The following SGPL1 variants were observed in gnomAD, a reference collection of about 807,000 sequenced individuals.
The protein encoded by SGPL1 is SP-lyase 1.
Under a neutral mutation model 68.9 loss-of-function variants are expected in SGPL1, and 37 were observed. The ratio of observed to expected loss-of-function variants is 0.54; its 90% CI spans 0.41 to 0.71. The LOEUF is 0.71. Among genes scored for constraint, SGPL1 ranks in the 30% least tolerant of loss-of-function variants. The pLI, the probability that SGPL1 is intolerant of heterozygous loss-of-function variation, is 0.00. For synonymous variants in SGPL1, 236 were observed against 248.5 expected (o/e 0.95, Z 0.47); for missense variants, 551 against 704.6 (o/e 0.78, Z 2.47).
chr10:70,830,897 A>G (rs1300748343), intron 2 of SGPL1, among the ~76,000 whole-genome samples: 1 of 152,216 alleles, frequency 6.6e-6, no homozygotes, highest in Admixed American at 6.5e-5. Flanking sequence ...TTTACTCCAA[A>G]AGAGGAAACC....
rs1846302692 is a variant in SGPL1, at chr10:70,871,848, A to G, written c.921A>G (p.Lys307=). 1 of 1,613,502 alleles carries G rather than the reference A, an allele frequency of 6.2e-7. No homozygotes were observed. The highest frequency in any genetic ancestry group is 2.2e-5 in the East Asian group (1 of 44,870). The change falls in exon 11 of 15, where the codon AAA becomes AAG. Residue 307 remains lysine, a synonymous_variant. Transcript: ENST00000373202. Reference sequence around the variant, plus strand: ...TTTTTTGGAACAAGCTGGCTGTCAAATACAAAATACCCCTTCATGTCGACG... The same window carrying G: ...TTTTTTGGAACAAGCTGGCTGTCAAGTACAAAATACCCCTTCATGTCGACG... The part of the protein sequence containing the change: ...PVPEVAKLAV[K]YKIPLHVDAC...
intron 2 of SGPL1, among the ~76,000 whole-genome samples, chr10:70,828,276 C>G (rs989790012): frequency 2.6e-5 from 4 of 152,196 alleles, no homozygotes; most frequent in Non-Finnish European, 5.9e-5. Context: ...GAGAAGAGCA[C>G]TGAGAACTCT....
rs971051775 is a variant in SGPL1 at position 70,859,359 on chromosome 10, A to G, written c.487-12A>G. The G allele has an allele frequency of 7.0e-7, 1 of 1,429,498 alleles. No homozygotes were observed. The highest frequency in any genetic ancestry group is 9.2e-7 in the Non-Finnish European group (1 of 1,082,102). 88.6% of individuals were successfully genotyped at this position (1,429,498 alleles called of 1,614,324 possible). A position where few individuals can be genotyped will look rare whatever the true frequency, so the allele number is the denominator to read the frequency against. Reference sequence around the variant, plus strand: ...TAGTTTTGATTTCACATCTGCTTGCATTTTTTTGCAGGCTTATGGAGATTT... The same window carrying G: ...TAGTTTTGATTTCACATCTGCTTGCGTTTTTTTGCAGGCTTATGGAGATTT... On this transcript the variant is annotated splice_polypyrimidine_tract_variant and intron_variant, in intron 6 of 14. Coordinates refer to ENST00000373202, the MANE Select transcript of SGPL1 (RefSeq NM_003901.4).
At chr10:70,850,267 G>A (rs1190607882) in intron 3 of SGPL1, among the ~76,000 whole-genome samples, 4 of 151,950 alleles carry the variant, frequency 2.6e-5, no homozygotes, top group African/African-American at 4.8e-5. Flanking sequence ...CTCCCACCTC[G>A]GCCTCCCACA....
intron 8 of SGPL1, among the ~76,000 whole-genome samples, chr10:70,868,982 T>C (rs1217071415): frequency 6.6e-6 from 1 of 152,248 alleles, no homozygotes; most frequent in Non-Finnish European, 1.5e-5. Flanking sequence ...ACTGTCCCCT[T>C]GTACAGTATG....
intron 2 of SGPL1, among the ~76,000 whole-genome samples, chr10:70,817,698 A>G (rs1845261125): frequency 2.0e-5 from 3 of 152,240 alleles, no homozygotes; most frequent in Non-Finnish European, 4.4e-5. Context: ...AGGGTCTGCC[A>G]TATACTAGTT....
rs1467869691 is a variant in SGPL1, at chr10:70,823,569, A to G, written c.27+6689A>G. Among the ~76,000 whole-genome samples, 870 of 148,782 alleles carry G rather than the reference A, an allele frequency of 5.8e-3. 5 individuals carry two copies. Among genetic ancestry groups the G allele is most frequent in the African/African-American group, 0.02 (829 of 40,932 alleles). On this transcript the variant is annotated intron_variant, in intron 2 of 14. Coordinates refer to ENST00000373202, the MANE Select transcript of SGPL1 (RefSeq NM_003901.4). ...AAAGAAAACACTTTATATTGAAAAA[A>G]AAAAAAAAAAAAAGCTAATGGGATC...
intron 3 of SGPL1, among the ~76,000 whole-genome samples, chr10:70,850,097 T>G (rs1421063583): frequency 2.0e-5 from 3 of 152,250 alleles, no homozygotes; most frequent in Non-Finnish European, 4.4e-5. Context: ...TATTTATGAT[T>G]ATTATGATCG....
intron 2 of SGPL1, among the ~76,000 whole-genome samples, chr10:70,823,206 C>T (rs555255514): frequency 6.6e-6 from 1 of 151,802 alleles, no homozygotes; most frequent in East Asian, 1.9e-4. Context: ...GACTCAAACA[C>T]ACACAGCCAT....
At chr10:70,855,808 C>T (rs1295327012) in intron 5 of SGPL1, among the ~76,000 whole-genome samples, 1 of 152,048 alleles carries the variant, frequency 6.6e-6, no homozygotes, top group African/African-American at 2.4e-5. Flanking sequence ...TGTTAACATC[C>T]TCTATAACCA....
At position 70,876,640 on chromosome 10, in the gene SGPL1, T is replaced by C. The variant is rs1846394196; in HGVS notation, c.1545T>C (p.Pro515=). The change falls in exon 14 of 15, where the codon CCT becomes CCC. Residue 515 remains proline (P), a synonymous_variant. Transcript: ENST00000373202. The part of the protein sequence containing the change: ...RESVTQIMKN[P]KAKTTGMGAI... ...CTGTCACTCAAATCATGAAGAATCC[T>C]AAAGCGAAGACCACAGGAATGGTAG... 1 of 1,613,606 alleles carries C rather than the reference T, an allele frequency of 6.2e-7. No homozygotes were observed. The highest frequency in any genetic ancestry group is 8.5e-7 in the Non-Finnish European group (1 of 1,179,784).
intron 10 of SGPL1, among the ~76,000 whole-genome samples, chr10:70,871,592 G>A (rs561833444): frequency 2.7e-3 from 413 of 152,102 alleles, no homozygotes; most frequent in African/African-American, 9.5e-3. Flanking sequence ...ACCGCAGAGC[G>A]TTTGAGGTCA....
At chr10:70,868,273 G>A (rs990022625) in intron 7 of SGPL1, 72 bp from the exon 8 acceptor site, 6 of 1,033,862 alleles carry the variant, frequency 5.8e-6, no homozygotes, top group South Asian at 1.5e-5. Context: ...ATCAAACATT[G>A]TCAAGATCAG....
At chr10:70,821,041 C>T (rs866082878) in intron 2 of SGPL1, among the ~76,000 whole-genome samples, 4 of 152,174 alleles carry the variant, frequency 2.6e-5, no homozygotes, top group African/African-American at 4.8e-5. Flanking sequence ...CTGACAGGCT[C>T]GGGCTATCAG....
chr10:70,830,106 A>AT (rs1048729244), intron 2 of SGPL1, among the ~76,000 whole-genome samples: 3 of 151,992 alleles, frequency 2.0e-5, no homozygotes, highest in African/African-American at 4.8e-5. Context: ...TTTAAATTTT[A>AT]TTTTTTTATT....
At chr10:70,829,934 C>T (rs771670339) in intron 2 of SGPL1, among the ~76,000 whole-genome samples, 2 of 152,078 alleles carry the variant, frequency 1.3e-5, no homozygotes, top group Admixed American at 6.5e-5. Context: ...TCATTTTAGT[C>T]GTTAATAATT....
intron 2 of SGPL1, among the ~76,000 whole-genome samples, chr10:70,842,164 ATTC>A (rs1227500893): frequency 3.3e-5 from 5 of 152,150 alleles, no homozygotes; most frequent in Non-Finnish European, 7.4e-5. Flanking sequence ...TTATTTAACC[ATTC>A]TTCTGTGGGT....
intron 2 of SGPL1, among the ~76,000 whole-genome samples, chr10:70,841,612 A>AC (rs944345041): frequency 4.0e-5 from 6 of 151,678 alleles, no homozygotes; most frequent in African/African-American, 1.2e-4. Flanking sequence ...TGATCTAATG[A>AC]CCCCCCAAAG....
intron 2 of SGPL1, among the ~76,000 whole-genome samples, chr10:70,834,001 G>A (rs962016826): frequency 6.6e-6 from 1 of 152,084 alleles, no homozygotes; most frequent in Non-Finnish European, 1.5e-5. Flanking sequence ...TGACGTGACT[G>A]GGCCCTGACT....
Sources: allele counts gnomAD v4.1 joint callset (sites outside exome capture counted in the v4.1 genomes callset), GRCh38; gene constraint gnomAD v4.1.1; transcripts MANE v1.5; gene names NCBI Gene and HGNC (gene_info 2026-07-23, HGNC 2026-07-21).